The following ELMO1 variants were observed in gnomAD, a reference collection of about 807,000 sequenced individuals.
The protein encoded by ELMO1 is engulfment and cell motility protein 1.
Under a neutral mutation model 98.9 loss-of-function variants are expected in ELMO1, and 26 were observed. The observed-to-expected ratio is 0.26, with a 90% CI of 0.19 to 0.36. The LOEUF (loss-of-function observed/expected upper bound fraction) is 0.36, where lower values mean the gene tolerates loss of function less well. ELMO1 is among the 10% of genes least tolerant of loss of function. The pLI is 1.00. For missense variants in ELMO1, 627 were observed against 935.2 expected, an observed-to-expected ratio of 0.67 and a Z score of 4.30; for synonymous variants, 346 against 346.0, an observed-to-expected ratio of 1.00 and a Z score of 0.00.
At chr7:37,034,229 T>A (rs766303492) in intron 15 of ELMO1, among the ~76,000 whole-genome samples, 22 of 152,178 alleles carry the variant, frequency 1.4e-4, no homozygotes, top group Non-Finnish European at 2.6e-4. Context: ...GGGTGGGCTC[T>A]AATCCAATAG....
At chr7:37,372,107 A>G (rs1802138784) in intron 1 of ELMO1, among the ~76,000 whole-genome samples, 1 of 152,176 alleles carries the variant, frequency 6.6e-6, no homozygotes, top group Non-Finnish European at 1.5e-5. Context: ...TATGTGATGA[A>G]CATTGCCTCT....
chr7:37,273,632 G>A (rs1019053983), intron 4 of ELMO1, among the ~76,000 whole-genome samples: 3 of 152,132 alleles, frequency 2.0e-5, no homozygotes, highest in African/African-American at 7.2e-5. Context: ...TTTTCTTCCA[G>A]CAGAGTACAC....
intron 15 of ELMO1, among the ~76,000 whole-genome samples, chr7:37,029,154 T>C (rs115907820): frequency 0.019 from 2,932 of 152,236 alleles, 31 homozygotes; most frequent in Middle Eastern, 0.044. Flanking sequence ...ACCAGATCTG[T>C]GCACAACCAG....
At chr7:36,872,999 C>T (rs1457679280) in intron 19 of ELMO1, among the ~76,000 whole-genome samples, 1 of 152,096 alleles carries the variant, frequency 6.6e-6, no homozygotes, top group Non-Finnish European at 1.5e-5. Context: ...GGGTGGTCTT[C>T]AGAATCTCTA....
At chr7:37,014,876 G>GTGCCTGCCATGTGGATGAGCAGCGA (rs1369809259) in intron 15 of ELMO1, among the ~76,000 whole-genome samples, 1 of 151,870 alleles carries the variant, frequency 6.6e-6, no homozygotes, top group East Asian at 1.9e-4. Context: ...GAGAGCCCTG[G>GTGCCTGCCATGTGGATGAGCAGCGA]TGCCTGCCAT....
At chr7:37,211,812 A>G (rs1325624728) in intron 12 of ELMO1, among the ~76,000 whole-genome samples, 1 of 152,218 alleles carries the variant, frequency 6.6e-6, no homozygotes, top group Non-Finnish European at 1.5e-5. Context: ...AGGCCCAGAT[A>G]TGATGGAAGG....
At chr7:37,196,839 T>C in intron 13 of ELMO1, among the ~76,000 whole-genome samples, 1 of 152,244 alleles carries the variant, frequency 6.6e-6, no homozygotes, top group Non-Finnish European at 1.5e-5. Context: ...TTGTGTCTTG[T>C]GTCTTGTGGA....
chr7:37,290,012 T>C (rs1213558841), intron 4 of ELMO1, among the ~76,000 whole-genome samples: 4 of 152,210 alleles, frequency 2.6e-5, no homozygotes, highest in Admixed American at 2.6e-4. Flanking sequence ...TAAGCATAAG[T>C]AAGACAGTGA....
chr7:36,967,293 AT>A (rs2129128079), intron 16 of ELMO1, among the ~76,000 whole-genome samples: 1 of 152,322 alleles, frequency 6.6e-6, no homozygotes, highest in East Asian at 1.9e-4. Flanking sequence ...ATCACTATGT[AT>A]TCCATAAAAA....
intron 15 of ELMO1, among the ~76,000 whole-genome samples, chr7:37,038,836 C>T (rs190695800): frequency 3.9e-5 from 6 of 152,298 alleles, no homozygotes; most frequent in African/African-American, 1.4e-4. Flanking sequence ...AGCCTTCTTG[C>T]TGTTTCCTCA....
chr7:37,446,435 A>C (rs888804819), intron 1 of ELMO1, among the ~76,000 whole-genome samples: 1 of 152,198 alleles, frequency 6.6e-6, no homozygotes, highest in African/African-American at 2.4e-5. Flanking sequence ...TGGGGTAGCC[A>C]GGGAAGGCCC....
At chr7:37,179,222 T>A (rs1790689198) in intron 13 of ELMO1, among the ~76,000 whole-genome samples, 1 of 152,070 alleles carries the variant, frequency 6.6e-6, no homozygotes, top group Non-Finnish European at 1.5e-5. Flanking sequence ...GCGAGGGGAA[T>A]TTTGTTCATG....
At chr7:37,036,160 G>A in intron 15 of ELMO1, among the ~76,000 whole-genome samples, 1 of 151,826 alleles carries the variant, frequency 6.6e-6, no homozygotes, top group East Asian at 1.9e-4. Flanking sequence ...ACAGTTTGTT[G>A]GAGTATTTTC....
intron 16 of ELMO1, among the ~76,000 whole-genome samples, chr7:36,925,691 T>C (rs1368099381): frequency 6.6e-6 from 1 of 152,224 alleles, no homozygotes; most frequent in African/African-American, 2.4e-5. Flanking sequence ...GAAAATGAAT[T>C]TTTTAACAAG....
chr7:36,969,181 A>C (rs1391091386), intron 16 of ELMO1, among the ~76,000 whole-genome samples: 1 of 151,940 alleles, frequency 6.6e-6, no homozygotes, highest in Non-Finnish European at 1.5e-5. Flanking sequence ...AGTATTCTAT[A>C]TATTATATTT....
intron 13 of ELMO1, among the ~76,000 whole-genome samples, chr7:37,188,012 C>T (rs1791320357): frequency 6.6e-6 from 1 of 151,846 alleles, no homozygotes; most frequent in African/African-American, 2.4e-5. Flanking sequence ...CAAGAATCTT[C>T]ATTCACAGAG....
intron 1 of ELMO1, among the ~76,000 whole-genome samples, chr7:37,398,217 T>C (rs1803377447): frequency 6.6e-6 from 1 of 152,176 alleles, no homozygotes; most frequent in Admixed American, 6.5e-5. Context: ...ATTATGACTG[T>C]TGTGAGAATT....
chr7:36,888,324 TAG>T (rs1400626337), intron 17 of ELMO1, among the ~76,000 whole-genome samples: 1 of 152,218 alleles, frequency 6.6e-6, no homozygotes, highest in Non-Finnish European at 1.5e-5. Flanking sequence ...GATATCATGA[TAG>T]AGTGAAATGG....
chr7:37,257,128 G>A (rs1795706767), intron 6 of ELMO1, among the ~76,000 whole-genome samples: 2 of 152,182 alleles, frequency 1.3e-5, no homozygotes, highest in Non-Finnish European at 1.5e-5. Flanking sequence ...GGTTAAAGGA[G>A]TTGTCTCTCC....
Sources: gnomAD v4.1 joint callset for allele counts (sites outside exome capture counted in the v4.1 genomes callset) on GRCh38, gnomAD v4.1.1 for gene constraint, MANE v1.5 for transcripts, NCBI Gene and HGNC (gene_info 2026-07-23, HGNC 2026-07-21) for gene names.